The following ORC3 variants were observed in gnomAD, a reference collection of about 807,000 sequenced individuals.
The protein encoded by ORC3 is homolog of latheo, Drosophila.
In ORC3, 78 loss-of-function variants were observed where a neutral mutation model predicts 100.7. The ratio of observed to expected loss-of-function variants is 0.77; its 90% CI spans 0.65 to 0.94. ORC3 has a LOEUF of 0.94. Among genes scored for constraint, ORC3 ranks in the 40% least tolerant of loss-of-function variants. The pLI, the probability that ORC3 is intolerant of heterozygous loss-of-function variation, is 0.00. For missense variants in ORC3, 789 were observed against 823.9 expected (o/e 0.96, Z 0.52); for synonymous variants, 295 against 289.3 (o/e 1.02, Z -0.20).
At chr6:87,596,707 A>G (rs1366477785) in intron 2 of ORC3, among the ~76,000 whole-genome samples, 1 of 152,088 alleles carries the variant, frequency 6.6e-6, no homozygotes, top group Non-Finnish European at 1.5e-5. Flanking sequence ...TTTTTCATTT[A>G]TATCCTGATA....
chr6:87,609,712 T>C (rs918167719), intron 7 of ORC3, among the ~76,000 whole-genome samples: 1 of 151,930 alleles, frequency 6.6e-6, no homozygotes, highest in African/African-American at 2.4e-5. Flanking sequence ...CCACCACACC[T>C]GGCTAATTTT....
At chr6:87,611,573 A>AG (rs919710830) in intron 7 of ORC3, among the ~76,000 whole-genome samples, 6 of 152,212 alleles carry the variant, frequency 3.9e-5, no homozygotes, top group African/African-American at 1.4e-4. Context: ...GATCACATGA[A>AG]GTCAGGAGTT....
At chr6:87,674,691 G>C in the ORC3 span, among the ~76,000 whole-genome samples, 1 of 141,870 alleles carries the variant, frequency 7.0e-6, no homozygotes, top group Non-Finnish European at 1.5e-5. Context: ...AGCCAGGATA[G>C]TCTCGATCTC....
At chr6:87,616,491 C>A in intron 9 of ORC3, 64 bp downstream of exon 9, 1 of 718,918 alleles carries the variant, frequency 1.4e-6, no homozygotes, top group Non-Finnish European at 2.5e-6. Flanking sequence ...CACATTATTT[C>A]AGGCTGTCTA....
chr6:87,659,266 G>C (rs1389256038), intron 16 of ORC3, among the ~76,000 whole-genome samples: 2 of 151,764 alleles, frequency 1.3e-5, no homozygotes, highest in Non-Finnish European at 2.9e-5. Flanking sequence ...GTTTCACCAT[G>C]TTGGTCAGGC....
At chr6:87,653,289 A>T (rs866239126) in intron 14 of ORC3, 40 bp downstream of exon 14, 2 of 1,584,132 alleles carry the variant, frequency 1.3e-6, no homozygotes, top group Admixed American at 1.8e-5. Context: ...TGGCCATGAC[A>T]GTCATTTAAC....
intron 11 of ORC3, among the ~76,000 whole-genome samples, chr6:87,625,260 G>A (rs1252264169): frequency 4.6e-5 from 7 of 152,156 alleles, no homozygotes; most frequent in Non-Finnish European, 1.5e-5. Context: ...AGATCCTTGA[G>A]GAATCACCAC....
chr6:87,625,407 A>G (rs994672544), intron 11 of ORC3, among the ~76,000 whole-genome samples: 7 of 152,206 alleles, frequency 4.6e-5, no homozygotes, highest in Non-Finnish European at 8.8e-5. Context: ...GTGAGATGGT[A>G]TCTCATTGTG....
At chr6:87,613,924 C>G (rs1778967906) in intron 8 of ORC3, among the ~76,000 whole-genome samples, 1 of 152,182 alleles carries the variant, frequency 6.6e-6, no homozygotes. Context: ...GCACACGGTG[C>G]AAGCTGTTGG....
chr6:87,659,590 G>A (rs927777440), intron 16 of ORC3, among the ~76,000 whole-genome samples: 31 of 151,820 alleles, frequency 2.0e-4, no homozygotes, highest in East Asian at 5.9e-4. Context: ...GGTCCAAAAC[G>A]ATCAACCAAG....
At chr6:87,592,879 A>G (rs1777139005) in intron 1 of ORC3, among the ~76,000 whole-genome samples, 1 of 152,026 alleles carries the variant, frequency 6.6e-6, no homozygotes, top group Non-Finnish European at 1.5e-5. Context: ...GGATCACGAG[A>G]TCAGGAGTGC....
chr6:87,621,226 T>C, intron 9 of ORC3, 128 bp from the exon 10 acceptor site: 1 of 544,066 alleles, frequency 1.8e-6, no homozygotes, highest in Non-Finnish European at 3.0e-6. Flanking sequence ...TATTGTGACA[T>C]TATTAAATAT....
At chr6:87,596,522 G>GA (rs1777460192) in intron 2 of ORC3, among the ~76,000 whole-genome samples, 1 of 151,808 alleles carries the variant, frequency 6.6e-6, no homozygotes, top group Admixed American at 6.6e-5. Context: ...GAAGTAGGGG[G>GA]AATTAACTGC....
intron 6 of ORC3, among the ~76,000 whole-genome samples, chr6:87,608,877 G>T (rs200978359): frequency 0.11 from 16,364 of 151,866 alleles, 930 homozygotes; most frequent in East Asian, 0.15. Context: ...TTTCATATGA[G>T]TTATAGATTT....
rs777718354 is a variant in ORC3 at position 87,653,265 on chromosome 6, C to A, written c.1516+16C>A. On this transcript the variant is annotated intron_variant, in intron 14 of 19. Coordinates refer to ENST00000392844, the MANE Select transcript of ORC3 (RefSeq NM_012381.4). ...AGCCTCGATGGTAAGAGTGTAATAT[C>A]CTTCCAATTCTATTGGCCATGACAG... 6.2e-7 allele frequency: 1 copy of A among 1,606,692 alleles called. No individual in the cohort carries two copies. The highest frequency in any genetic ancestry group is 8.5e-7 in the Non-Finnish European group (1 of 1,176,414).
intron 1 of ORC3, among the ~76,000 whole-genome samples, chr6:87,593,068 G>C (rs1402530617): frequency 6.6e-6 from 1 of 152,134 alleles, no homozygotes; most frequent in Non-Finnish European, 1.5e-5. Flanking sequence ...ACTCCAGCCT[G>C]GACGACAGAG....
At chr6:87,608,964 A>G in intron 6 of ORC3, 132 bp from the exon 7 acceptor site, 2 of 598,608 alleles carry the variant, frequency 3.3e-6, no homozygotes, top group Non-Finnish European at 5.3e-6. Context: ...GTTTCTATTT[A>G]TCGTGTGGTA....
intron 19 of ORC3, among the ~76,000 whole-genome samples, chr6:87,666,395 G>A (rs960002663): frequency 1.3e-4 from 19 of 148,676 alleles, no homozygotes; most frequent in African/African-American, 4.0e-4. Context: ...CTCCCAAAGT[G>A]CTAGGATTAT....
chr6:87,677,772 T>C, the ORC3 span: 3 of 1,582,902 alleles, frequency 1.9e-6, no homozygotes, highest in Non-Finnish European at 2.6e-6. Flanking sequence ...AAAATGCATT[T>C]CACACAACTG....
Sources: gnomAD v4.1 joint callset for allele counts (sites outside exome capture counted in the v4.1 genomes callset) on GRCh38, gnomAD v4.1.1 for gene constraint, MANE v1.5 for transcripts, NCBI Gene and HGNC (gene_info 2026-07-23, HGNC 2026-07-21) for gene names.